EYS: variants seen among roughly 807,000 people sequenced by gnomAD.
EYS encodes protein eyes shut homolog.
In EYS, 250 loss-of-function variants were observed where a neutral mutation model predicts 282.1. That is an observed-to-expected ratio of 0.89 (90% confidence interval 0.80 to 0.98). The LOEUF is 0.98. EYS is among the 50% of genes least tolerant of loss of function. The pLI is 0.00. For synonymous variants in EYS, 1,355 were observed against 1,282.9 expected (o/e 1.06, Z -1.20); for missense variants, 4,016 against 3,709.0 (o/e 1.08, Z -2.15).
intron 1 of EYS, among the ~76,000 whole-genome samples, chr6:65,667,340 C>T (rs915961492): frequency 3.3e-5 from 5 of 151,870 alleles, no homozygotes; most frequent in African/African-American, 1.2e-4. Context: ...TTGCCTAATG[C>T]TCTCACTTAA....
rs118176452 is a variant in EYS at position 64,109,950 on chromosome 6, T to C, written c.6425-27948A>G. Among the ~76,000 whole-genome samples the C allele has an allele frequency of 7.9e-5, 12 of 152,172 alleles. No homozygotes were observed. The East Asian group carries it at 1.5e-3, about 20-fold the overall frequency. On this transcript the variant is annotated intron_variant, in intron 31 of 42. Coordinates refer to ENST00000503581, the MANE Select transcript of EYS (RefSeq NM_001142800.2). ...CATATTGTAAACCAATTTTCTCTCT[T>C]CTATTAAAAACTAATGGGATAGAAG... is the stretch of plus-strand genomic sequence containing the variant.
chr6:65,096,907 T>A (rs1001075872), intron 12 of EYS, among the ~76,000 whole-genome samples: 16 of 150,744 alleles, frequency 1.1e-4, no homozygotes, highest in African/African-American at 3.2e-4. Flanking sequence ...TAGAAAAAAA[T>A]TATGAGGAAA....
At chr6:65,103,734 A>G (rs1774956694) in intron 12 of EYS, among the ~76,000 whole-genome samples, 1 of 151,554 alleles carries the variant, frequency 6.6e-6, no homozygotes, top group Non-Finnish European at 1.5e-5. Context: ...GATGTTATGC[A>G]GTAAAAACGC....
At chr6:63,844,414 C>G (rs1244457460) in intron 36 of EYS, among the ~76,000 whole-genome samples, 1 of 152,110 alleles carries the variant, frequency 6.6e-6, no homozygotes, top group African/African-American at 2.4e-5. Context: ...GCCTCTAAGT[C>G]TTTGAGGAAT....
chr6:64,997,384 T>A (rs777754406), intron 14 of EYS, among the ~76,000 whole-genome samples, 198 bp downstream of exon 14: 231 of 151,796 alleles, frequency 1.5e-3, no homozygotes, highest in Non-Finnish European at 2.6e-3. Flanking sequence ...CTGTATAGAG[T>A]GGAGAATAGA....
At chr6:63,863,675 C>CTTTTCTTTTTTTTTT (rs1772597256) in intron 36 of EYS, among the ~76,000 whole-genome samples, 1 of 60,040 alleles carries the variant, frequency 1.7e-5, no homozygotes, top group African/African-American at 5.7e-5. Flanking sequence ...TTTCTTTTTT[C>CTTTTCTTTTTTTTTT]TTTTTTTTTT....
At chr6:65,596,446 C>T (rs900832523) in intron 2 of EYS, among the ~76,000 whole-genome samples, 2 of 151,958 alleles carry the variant, frequency 1.3e-5, no homozygotes, top group Admixed American at 1.3e-4. Context: ...AAACAAAGGC[C>T]TACATTACTG....
intron 35 of EYS, among the ~76,000 whole-genome samples, chr6:63,900,203 T>C (rs1203700456): frequency 6.6e-6 from 1 of 152,236 alleles, no homozygotes; most frequent in African/African-American, 2.4e-5. Flanking sequence ...ATTATTTACT[T>C]ATTTATCCTT....
rs535267623 is a variant in EYS at position 64,393,314 on chromosome 6, C to T, written c.5928-4474G>A. Among the ~76,000 whole-genome samples the T allele has an allele frequency of 3.3e-5, 5 of 152,186 alleles. No individual in the cohort carries two copies. In the South Asian group the frequency reaches 1.0e-3, roughly 32 times the overall value. On this transcript the variant is annotated intron_variant, in intron 28 of 42. Transcript: ENST00000503581. ...GCATCATTCTGATACCAAAACCAGG[C>T]AGAGATACAACAAAAAAAGAGAATT...
chr6:63,788,068 ATAAG>A, intron 39 of EYS, 33 bp downstream of exon 39: 1 of 1,435,408 alleles, frequency 7.0e-7, no homozygotes, highest in Non-Finnish European at 9.3e-7. Flanking sequence ...AACATTTGAA[ATAAG>A]TAGGTATAAT....
intron 2 of EYS, among the ~76,000 whole-genome samples, chr6:65,601,773 T>C (rs1455681324): frequency 1.3e-5 from 2 of 151,950 alleles, no homozygotes; most frequent in African/African-American, 4.8e-5. Flanking sequence ...TTTTTCTTTC[T>C]TGACCAATTA....
At chr6:64,941,511 T>C (rs1769089653) in intron 15 of EYS, among the ~76,000 whole-genome samples, 1 of 152,100 alleles carries the variant, frequency 6.6e-6, no homozygotes, top group Non-Finnish European at 1.5e-5. Context: ...GTTACATGGA[T>C]ATACTGCATG....
chr6:65,180,773 A>ATCTTTTG, intron 12 of EYS, among the ~76,000 whole-genome samples: 1 of 152,304 alleles, frequency 6.6e-6, no homozygotes, highest in East Asian at 1.9e-4. Context: ...AAAAGAACAA[A>ATCTTTTG]GCTGGAGGCA....
At chr6:64,894,161 A>G (rs1333613566) in intron 18 of EYS, among the ~76,000 whole-genome samples, 1 of 152,100 alleles carries the variant, frequency 6.6e-6, no homozygotes, top group Non-Finnish European at 1.5e-5. Flanking sequence ...CTTATGATTA[A>G]GTTGCATTGC....
At chr6:65,209,242 G>T (rs1766112616) in intron 12 of EYS, among the ~76,000 whole-genome samples, 1 of 151,368 alleles carries the variant, frequency 6.6e-6, no homozygotes, top group Non-Finnish European at 1.5e-5. Context: ...AAAGCCCAGT[G>T]TGTGGGGAAG....
intron 13 of EYS, among the ~76,000 whole-genome samples, chr6:65,016,147 C>T (rs796286543): frequency 1.7e-4 from 25 of 150,788 alleles, no homozygotes; most frequent in African/African-American, 3.9e-4. Flanking sequence ...ACAAATCACC[C>T]GAGGTTAGGA....
chr6:65,328,014 T>C (rs1769672701), intron 11 of EYS, among the ~76,000 whole-genome samples: 1 of 151,480 alleles, frequency 6.6e-6, no homozygotes, highest in Non-Finnish European at 1.5e-5. Flanking sequence ...TTCATGCCAA[T>C]ATGTGACATG....
At chr6:64,322,939 C>A (rs1770270173) in intron 29 of EYS, among the ~76,000 whole-genome samples, 1 of 152,024 alleles carries the variant, frequency 6.6e-6, no homozygotes, top group African/African-American at 2.4e-5. Context: ...TTCCACAGTA[C>A]AATCTCTACA....
chr6:64,507,152 C>G (rs1562031575), intron 26 of EYS, among the ~76,000 whole-genome samples: 1 of 151,720 alleles, frequency 6.6e-6, no homozygotes, highest in South Asian at 2.1e-4. Context: ...ATAAATCAAC[C>G]TCTAAAGGAT....
Sources: allele counts gnomAD v4.1 joint callset (sites outside exome capture counted in the v4.1 genomes callset), GRCh38; gene constraint gnomAD v4.1.1; transcripts MANE v1.5; gene names NCBI Gene and HGNC (gene_info 2026-07-23, HGNC 2026-07-21).